Variants in ADGRV1 observed in about 807,000 individuals in gnomAD.
ADGRV1 encodes adhesion G protein-coupled receptor V1.
In ADGRV1, 359 loss-of-function variants were observed where a neutral mutation model predicts 596.2. The ratio of observed to expected loss-of-function variants is 0.60; its 90% confidence interval spans 0.55 to 0.66. The LOEUF (loss-of-function observed/expected upper bound fraction) is 0.66, where lower values mean the gene tolerates loss of function less well. ADGRV1 is among the 30% of genes least tolerant of loss of function. ADGRV1 has a pLI of 0.00. For missense variants in ADGRV1, 7,274 were observed against 7,575.6 expected, an observed-to-expected ratio of 0.96 and a Z score of 1.48; for synonymous variants, 2,681 against 2,679.2, an observed-to-expected ratio of 1.00 and a Z score of -0.02.
intron 72 of ADGRV1, among the ~76,000 whole-genome samples, chr5:90,807,003 C>T (rs1472680700): frequency 6.6e-6 from 1 of 152,070 alleles, no homozygotes; most frequent in Non-Finnish European, 1.5e-5. Flanking sequence ...TAGGCTCGCA[C>T]CACCATGCCT....
chr5:91,148,214 G>C (rs148888568), intron 87 of ADGRV1, among the ~76,000 whole-genome samples: 1 of 152,204 alleles, frequency 6.6e-6, no homozygotes, highest in South Asian at 2.1e-4. Context: ...GCTGGCTGCA[G>C]AAATTTGCAT....
intron 34 of ADGRV1, among the ~76,000 whole-genome samples, chr5:90,699,065 T>G (rs1747567877): frequency 6.6e-6 from 1 of 152,158 alleles, no homozygotes; most frequent in South Asian, 2.1e-4. Context: ...AATGTGGCTT[T>G]CAGGAGGCTG....
At chr5:90,945,353 C>T (rs1296664210) in intron 83 of ADGRV1, among the ~76,000 whole-genome samples, 1 of 152,072 alleles carries the variant, frequency 6.6e-6, no homozygotes, top group East Asian at 1.9e-4. Flanking sequence ...CCACTTATTT[C>T]CCACCTTCCC....
At chr5:90,997,927 T>G (rs953425466) in intron 85 of ADGRV1, among the ~76,000 whole-genome samples, 12 of 152,162 alleles carry the variant, frequency 7.9e-5, no homozygotes, top group Non-Finnish European at 1.8e-4. Context: ...GGACAATAAG[T>G]GAGAGCCATA....
chr5:90,579,267 A>G (rs981092020), intron 1 of ADGRV1, among the ~76,000 whole-genome samples: 3 of 152,042 alleles, frequency 2.0e-5, no homozygotes, highest in Admixed American at 1.3e-4. Context: ...CCCTCTACAC[A>G]CTGCTTTACG....
In ADGRV1 at chr5:90,617,780, T is replaced by C. The variant is rs561642670; in HGVS notation, c.208-24T>C. ...GTCCTAATACTGTGTTAAATAAGAA[T>C]GATCTATATTTTGCATTTGATAGCT... On this transcript the variant is annotated intron_variant, in intron 2 of 89. Transcript: ENST00000405460. 24 of 1,568,782 alleles carry C rather than the reference T, an allele frequency of 1.5e-5. No individual in the cohort carries two copies. The East Asian group carries it at 3.9e-4, about 26-fold the overall frequency.
intron 1 of ADGRV1, among the ~76,000 whole-genome samples, chr5:90,596,848 C>CGAGAGGGAGAGG (rs1272054971): frequency 2.0e-5 from 3 of 149,520 alleles, no homozygotes; most frequent in African/African-American, 7.6e-5. Flanking sequence ...AGAGGGAGAG[C>CGAGAGGGAGAGG]GAGAGGGAGA....
At chr5:90,681,546 T>C in intron 27 of ADGRV1, 92 bp downstream of exon 27, 1 of 1,274,270 alleles carries the variant, frequency 7.8e-7, no homozygotes, top group Non-Finnish European at 1.1e-6. Flanking sequence ...CTTTCCTTTT[T>C]TTGTGTAGGC....
At chr5:91,125,540 C>G (rs1005335421) in intron 87 of ADGRV1, among the ~76,000 whole-genome samples, 2 of 152,172 alleles carry the variant, frequency 1.3e-5, no homozygotes, top group Admixed American at 6.5e-5. Context: ...TAGAGTTAGA[C>G]TTGGAATCAG....
intron 83 of ADGRV1, among the ~76,000 whole-genome samples, chr5:90,921,417 G>A (rs187829560): frequency 9.2e-5 from 14 of 152,036 alleles, no homozygotes; most frequent in South Asian, 2.1e-4. Context: ...ATTCCCTGCC[G>A]CATCTGGCTT....
intron 60 of ADGRV1, 59 bp from the exon 61 acceptor site, chr5:90,776,394 C>A: frequency 1.3e-6 from 2 of 1,520,952 alleles, no homozygotes; most frequent in Non-Finnish European, 1.8e-6. Flanking sequence ...AGTTTCCAGG[C>A]ATATACTAAG....
chr5:91,095,613 A>C (rs2126609125), intron 86 of ADGRV1, among the ~76,000 whole-genome samples: 1 of 152,280 alleles, frequency 6.6e-6, no homozygotes, highest in Non-Finnish European at 1.5e-5. Context: ...TTTCTCACCA[A>C]GAAAATATTC....
chr5:91,082,147 A>G (rs1431675463), intron 86 of ADGRV1, among the ~76,000 whole-genome samples: 2 of 152,236 alleles, frequency 1.3e-5, no homozygotes, highest in Non-Finnish European at 2.9e-5. Flanking sequence ...TTTAACCCTT[A>G]ATGTGGCTGG....
At chr5:90,978,081 G>T (rs1444622699) in intron 84 of ADGRV1, among the ~76,000 whole-genome samples, 1 of 152,006 alleles carries the variant, frequency 6.6e-6, no homozygotes, top group African/African-American at 2.4e-5. Flanking sequence ...GGGATCATGA[G>T]GTCAGGAGAT....
At chr5:91,065,600 T>C (rs769368627) in intron 85 of ADGRV1, among the ~76,000 whole-genome samples, 1 of 152,194 alleles carries the variant, frequency 6.6e-6, no homozygotes, top group Non-Finnish European at 1.5e-5. Context: ...CCCCTCTGCC[T>C]CTGAGTTCCT....
chr5:90,843,846 G>A (rs1311297766), intron 78 of ADGRV1, among the ~76,000 whole-genome samples: 1 of 152,102 alleles, frequency 6.6e-6, no homozygotes, highest in Non-Finnish European at 1.5e-5. Flanking sequence ...CTGACTAAAT[G>A]AATGCATGAA....
At chr5:90,713,821 A>G (rs1323951211) in intron 42 of ADGRV1, among the ~76,000 whole-genome samples, 6 of 152,170 alleles carry the variant, frequency 3.9e-5, no homozygotes, top group African/African-American at 1.2e-4. Context: ...CTCCATGAGT[A>G]GGAGAAAGGA....
chr5:90,609,720 G>T lies in ADGRV1; in HGVS notation c.23-5115G>T, dbSNP rs1762516046. 1.3e-5 allele frequency among the ~76,000 whole-genome samples: 2 copies of T among 151,986 alleles called. 1 individual carries two copies. Among genetic ancestry groups the T allele is most frequent in the South Asian group, 4.1e-4 (2 of 4,838 alleles). On this transcript the variant is annotated intron_variant, in intron 1 of 89. Transcript: ENST00000405460. Reference sequence around the variant, plus strand: ...TTGTTCCTTTAGGATCATATTTTCAGTATTAATTACCTGGTGGTCACACCA... The same window carrying T: ...TTGTTCCTTTAGGATCATATTTTCATTATTAATTACCTGGTGGTCACACCA...
chr5:91,152,564 A>G (rs537479813), intron 88 of ADGRV1, among the ~76,000 whole-genome samples: 20 of 152,350 alleles, frequency 1.3e-4, no homozygotes, highest in Non-Finnish European at 1.9e-4. Flanking sequence ...TCAAATAGAG[A>G]CATGGTTTAG....
Sources: gnomAD v4.1 joint callset for allele counts (sites outside exome capture counted in the v4.1 genomes callset) on GRCh38, gnomAD v4.1.1 for gene constraint, MANE v1.5 for transcripts, NCBI Gene and HGNC (gene_info 2026-07-23, HGNC 2026-07-21) for gene names.